Variants in ASIC2 observed in about 807,000 individuals in gnomAD.
The protein encoded by ASIC2 is acid sensing ion channel subunit 2.
A neutral mutation model predicts 57.3 loss-of-function variants in ASIC2; 25 were observed. The observed-to-expected ratio is 0.44, with a 90% CI of 0.32 to 0.61. ASIC2 has a LOEUF of 0.61. Among genes scored for constraint, ASIC2 ranks in the 20% least tolerant of loss-of-function variants. The pLI, the probability that ASIC2 is intolerant of heterozygous loss-of-function variation, is 0.06. For synonymous variants in ASIC2, 319 were observed against 307.5 expected (o/e 1.04, Z -0.39); for missense variants, 641 against 738.1 (o/e 0.87, Z 1.52).
chr17:33,620,457 C>T (rs1905756106), intron 1 of ASIC2, among the ~76,000 whole-genome samples: 1 of 152,090 alleles, frequency 6.6e-6, no homozygotes, highest in Non-Finnish European at 1.5e-5. Context: ...CAATAAAGTC[C>T]ATTTGTCTGT....
At chr17:33,455,330 C>A (rs893389936) in intron 1 of ASIC2, among the ~76,000 whole-genome samples, 2 of 152,142 alleles carry the variant, frequency 1.3e-5, no homozygotes, top group Non-Finnish European at 2.9e-5. Flanking sequence ...GTTTTTCAAC[C>A]CTTGCACTCC....
intron 1 of ASIC2, among the ~76,000 whole-genome samples, chr17:33,531,849 G>C (rs1324614875): frequency 6.6e-6 from 1 of 152,104 alleles, no homozygotes; most frequent in East Asian, 1.9e-4. Context: ...CTCGTGAGCA[G>C]AAATGATCAC....
intron 1 of ASIC2, among the ~76,000 whole-genome samples, chr17:33,238,165 CG>C (rs1908367844): frequency 2.0e-5 from 3 of 152,330 alleles, no homozygotes; most frequent in Non-Finnish European, 2.9e-5. Flanking sequence ...CATTACCACT[CG>C]GGCCTGAAGT....
chr17:33,346,149 C>A (rs1200986421), intron 1 of ASIC2, among the ~76,000 whole-genome samples: 3 of 140,222 alleles, frequency 2.1e-5, no homozygotes, highest in African/African-American at 8.0e-5. Context: ...ATTGCTTGAA[C>A]CTGGGAGGCG....
At chr17:33,893,254 CAAAGT>C (rs1325312738) in intron 1 of ASIC2, among the ~76,000 whole-genome samples, 1 of 152,104 alleles carries the variant, frequency 6.6e-6, no homozygotes, top group East Asian at 1.9e-4. Flanking sequence ...TGGTCAAAAA[CAAAGT>C]AAATTAACTG....
chr17:33,810,810 G>A (rs1246294853), intron 1 of ASIC2, among the ~76,000 whole-genome samples: 3 of 152,228 alleles, frequency 2.0e-5, no homozygotes, highest in Middle Eastern at 3.4e-3. Context: ...GGATTAGCAT[G>A]TGGCACCCTT....
intron 1 of ASIC2, among the ~76,000 whole-genome samples, chr17:34,121,566 G>A (rs749256447): frequency 1.3e-5 from 2 of 152,146 alleles, no homozygotes; most frequent in African/African-American, 2.4e-5. Context: ...TACAACCCAC[G>A]CTGATGCTGG....
intron 1 of ASIC2, among the ~76,000 whole-genome samples, chr17:33,914,514 A>G (rs1915541512): frequency 6.6e-6 from 1 of 152,206 alleles, no homozygotes; most frequent in Admixed American, 6.5e-5. Context: ...GATGGTGGCC[A>G]GAGTTTTACA....
chr17:34,131,767 C>T (rs1486027926), intron 1 of ASIC2, among the ~76,000 whole-genome samples: 3 of 152,334 alleles, frequency 2.0e-5, no homozygotes, highest in Non-Finnish European at 4.4e-5. Flanking sequence ...GTCTGCTGGG[C>T]AGGGGCCATT....
chr17:33,707,352 C>T (rs1180260017), intron 1 of ASIC2, among the ~76,000 whole-genome samples: 1 of 152,078 alleles, frequency 6.6e-6, no homozygotes, highest in Non-Finnish European at 1.5e-5. Context: ...TGGAACTTTC[C>T]TCAGTTACAT....
chr17:33,276,446 A>G (rs1473097477), intron 1 of ASIC2, among the ~76,000 whole-genome samples: 1 of 152,194 alleles, frequency 6.6e-6, no homozygotes, highest in Non-Finnish European at 1.5e-5. Flanking sequence ...CCCTTAATTG[A>G]AGACTTTCTC....
intron 1 of ASIC2, among the ~76,000 whole-genome samples, chr17:33,760,511 A>T (rs1567708540): frequency 6.6e-6 from 1 of 151,918 alleles, no homozygotes; most frequent in Non-Finnish European, 1.5e-5. Context: ...CATATATATA[A>T]AGCTATATAT....
At chr17:34,040,409 TG>T (rs556542795) in intron 1 of ASIC2, among the ~76,000 whole-genome samples, 234 of 87,542 alleles carry the variant, frequency 2.7e-3, no homozygotes, top group Admixed American at 4.7e-3. Context: ...GGGGGGGTCC[TG>T]GGGGGTGGGG....
intron 1 of ASIC2, among the ~76,000 whole-genome samples, chr17:33,494,599 G>A (rs113400353): frequency 0.023 from 3,485 of 152,236 alleles, 126 homozygotes; most frequent in African/African-American, 0.077. Flanking sequence ...AAACCCTCAC[G>A]GCTGGGAAGC....
At chr17:34,055,139 T>C (rs1321791095) in intron 1 of ASIC2, among the ~76,000 whole-genome samples, 1 of 152,206 alleles carries the variant, frequency 6.6e-6, no homozygotes, top group African/African-American at 2.4e-5. Context: ...TGCAGGACCA[T>C]TTAAATCATA....
rs184367717 is a variant in ASIC2 at position 33,627,570 on chromosome 17, G to T, written c.556-515503C>A. 1.7e-3 allele frequency among the ~76,000 whole-genome samples: 253 copies of T among 152,304 alleles called. 1 individual carries two copies. Among genetic ancestry groups the T allele is most frequent in the Middle Eastern group, 6.8e-3 (2 of 294 alleles). ...AATGAGCCTTGGGGCGGTGGTAGCA[G>T]GTGTGCTGAACTCTGGCTAGGTCTC... On this transcript the variant is annotated intron_variant, in intron 1 of 9. Coordinates refer to the ASIC2 transcript ENST00000359872.
intron 1 of ASIC2, among the ~76,000 whole-genome samples, chr17:33,763,576 C>T (rs1910849334): frequency 6.6e-6 from 1 of 152,196 alleles, no homozygotes. Context: ...AACTTAGGTG[C>T]ACCCAAGTGA....
chr17:33,017,746 G>T, intron 7 of ASIC2, 62 bp from the exon 8 acceptor site: 1 of 1,489,922 alleles, frequency 6.7e-7, no homozygotes, highest in South Asian at 1.2e-5. Flanking sequence ...AGGGTGAACA[G>T]ACTGAGATGC....
intron 1 of ASIC2, among the ~76,000 whole-genome samples, chr17:33,476,362 T>C (rs980695839): frequency 6.6e-6 from 1 of 152,102 alleles, no homozygotes; most frequent in African/African-American, 2.4e-5. Flanking sequence ...CTTATTCCAC[T>C]GTATGACTGT....
Sources: gnomAD v4.1 joint callset for allele counts (sites outside exome capture counted in the v4.1 genomes callset) on GRCh38, gnomAD v4.1.1 for gene constraint, MANE v1.5 for transcripts, NCBI Gene and HGNC (gene_info 2026-07-23, HGNC 2026-07-21) for gene names.